Variants in CYTH3 observed in about 807,000 individuals in gnomAD.
CYTH3 encodes cytohesin-3.
Under a neutral mutation model 55.1 loss-of-function variants are expected in CYTH3, and 23 were observed. The ratio of observed to expected loss-of-function variants is 0.42; its 90% CI spans 0.30 to 0.59. The LOEUF (loss-of-function observed/expected upper bound fraction) is 0.59. Among genes scored for constraint, CYTH3 ranks in the 20% least tolerant of loss-of-function variants. The pLI, the probability that CYTH3 is intolerant of heterozygous loss-of-function variation, is 0.20. For synonymous variants in CYTH3, 249 were observed against 194.9 expected (o/e 1.28, Z -2.31); for missense variants, 413 against 524.8 (o/e 0.79, Z 2.08).
intron 1 of CYTH3, among the ~76,000 whole-genome samples, chr7:6,259,772 T>TATATATTA (rs1491219669): frequency 7.5e-4 from 23 of 30,494 alleles, no homozygotes; most frequent in African/African-American, 6.9e-3. Context: ...TATATATATA[T>TATATATTA]TATATATATA....
Position 6,170,653 on chromosome 7 carries a change from G to T in CYTH3, c.712-7C>A, listed in dbSNP as rs761626793. On this transcript the variant is annotated splice_polypyrimidine_tract_variant and splice_region_variant and intron_variant, in intron 8 of 12. Coordinates refer to ENST00000350796, the MANE Select transcript of CYTH3 (RefSeq NM_004227.4). This position sits in a 1 kb window ranked among gnomAD's most constrained non-coding sequence, Gnocchi z 7.8. Reference sequence around the variant, plus strand: ...TAATGCTCTCATACAAATTCTGCAAGGAGGGAAAACAGCAGCCAGTTCAGA... The same window carrying T: ...TAATGCTCTCATACAAATTCTGCAATGAGGGAAAACAGCAGCCAGTTCAGA... The T allele has an allele frequency of 6.2e-7, 1 of 1,612,692 alleles. No homozygotes were observed. Among genetic ancestry groups the T allele is most frequent in the Non-Finnish European group, 8.5e-7 (1 of 1,179,294 alleles).
intron 9 of CYTH3, 103 bp from the exon 10 acceptor site, chr7:6,165,913 G>C: frequency 1.8e-6 from 2 of 1,113,190 alleles, no homozygotes; most frequent in Admixed American, 2.1e-5. Flanking sequence ...TTTCAGAAAG[G>C]CCACCAGGCG....
rs1031752304 is a variant in CYTH3, at chr7:6,172,828, C to T, written c.449+825G>A. 23 of 1,283,094 alleles carry T rather than the reference C, an allele frequency of 1.8e-5. No homozygotes were observed. The African/African-American group carries it at 1.8e-4, about 10-fold the overall frequency. 79.5% of individuals were successfully genotyped at this position (1,283,094 alleles called of 1,614,324 possible). ...ATTCTTATATGTTGCGAACTCTCAG[C>T]GCACTGTTCAGCCCCAGGCTGCGCT... On this transcript the variant is annotated intron_variant, in intron 6 of 12. Transcript: ENST00000350796.
At chr7:6,266,146 C>T (rs1780485606) in intron 1 of CYTH3, among the ~76,000 whole-genome samples, 1 of 152,128 alleles carries the variant, frequency 6.6e-6, no homozygotes, top group Non-Finnish European at 1.5e-5. Context: ...TGCAACACCT[C>T]CCTTCTCCCA....
At chr7:6,211,213 T>C (rs530160754) in intron 1 of CYTH3, among the ~76,000 whole-genome samples, 1 of 152,284 alleles carries the variant, frequency 6.6e-6, no homozygotes, top group East Asian at 1.9e-4. Context: ...TCCAGCTCCC[T>C]TGCTCAAAGC....
chr7:6,204,877 A>C lies in CYTH3; in HGVS notation c.35-14346T>G, dbSNP rs1362589804. 2.6e-5 allele frequency among the ~76,000 whole-genome samples: 4 copies of C among 152,352 alleles called. No homozygotes were observed. The East Asian group carries it at 7.7e-4, about 29-fold the overall frequency. On this transcript the variant is annotated intron_variant, in intron 1 of 12. Transcript: ENST00000350796. Reference sequence around the variant, plus strand: ...GTTAAAAATCAATTGCAAAACAGTGACTAGAGGATGAGTGCGGTGGCTCAC... The same window carrying C: ...GTTAAAAATCAATTGCAAAACAGTGCCTAGAGGATGAGTGCGGTGGCTCAC...
chr7:6,208,041 T>C (rs1784236688), intron 1 of CYTH3, among the ~76,000 whole-genome samples: 1 of 152,178 alleles, frequency 6.6e-6, no homozygotes, highest in East Asian at 1.9e-4. Context: ...ACTGTTCTTA[T>C]TCTTCCAAGA....
chr7:6,164,885 G>T lies in CYTH3; in HGVS notation c.*59C>A. On this transcript the variant is annotated 3_prime_UTR_variant, in exon 13 of 13. Transcript: ENST00000350796. ...CTGCCACGCCTTCCGCGGAGGGGCC[G>T]CCCGCGGTGTCTTTCTGCTGGGGTT... is the stretch of plus-strand genomic sequence containing the variant. 1 of 1,590,876 alleles carries T rather than the reference G, an allele frequency of 6.3e-7. No homozygotes were observed. The highest frequency in any genetic ancestry group is 2.2e-5 in the East Asian group (1 of 44,770).
intron 1 of CYTH3, among the ~76,000 whole-genome samples, chr7:6,223,766 C>G (rs10245190): frequency 6.8e-6 from 1 of 146,712 alleles, no homozygotes; most frequent in Non-Finnish European, 1.5e-5. Flanking sequence ...CTGACCTTCT[C>G]TCCACTATTA....
chr7:6,204,793 G>A (rs1044178136), intron 1 of CYTH3, among the ~76,000 whole-genome samples: 2 of 152,012 alleles, frequency 1.3e-5, no homozygotes, highest in Non-Finnish European at 2.9e-5. Flanking sequence ...TTCCTGTATC[G>A]AACTATAACA....
At chr7:6,186,072 A>C (rs375497722) in intron 4 of CYTH3, among the ~76,000 whole-genome samples, 1 of 150,612 alleles carries the variant, frequency 6.6e-6, no homozygotes, top group African/African-American at 2.5e-5. Flanking sequence ...GTGAAACCCC[A>C]TCTCTACTAA....
intron 12 of CYTH3, 68 bp downstream of exon 12, chr7:6,165,205 A>G: frequency 6.4e-7 from 1 of 1,572,116 alleles, no homozygotes; most frequent in South Asian, 1.2e-5. Context: ...TCCATGTTCC[A>G]GACCATCCCC....
chr7:6,225,538 T>G (rs1230631805), intron 1 of CYTH3, among the ~76,000 whole-genome samples: 1 of 152,002 alleles, frequency 6.6e-6, no homozygotes, highest in Non-Finnish European at 1.5e-5. Flanking sequence ...TGTTTTTTAG[T>G]AGAGTCAGGG....
chr7:6,233,919 T>C (rs1390930446), intron 1 of CYTH3, among the ~76,000 whole-genome samples: 3 of 146,412 alleles, frequency 2.0e-5, no homozygotes, highest in African/African-American at 4.9e-5. Context: ...ACAGCTGCCT[T>C]TTCTCTGTGT....
At chr7:6,223,419 G>A (rs1044841767) in intron 1 of CYTH3, among the ~76,000 whole-genome samples, 3 of 152,226 alleles carry the variant, frequency 2.0e-5, no homozygotes, top group African/African-American at 7.2e-5. Context: ...AAAAGAAAGA[G>A]AGATCAGATT....
At chr7:6,202,908 T>C (rs1280811126) in intron 1 of CYTH3, among the ~76,000 whole-genome samples, 4 of 152,212 alleles carry the variant, frequency 2.6e-5, no homozygotes, top group African/African-American at 9.7e-5. Context: ...TCCCACTAAA[T>C]GCTCTTTAAA....
chr7:6,268,229 C>T lies in CYTH3; in HGVS notation c.34+4245G>A, dbSNP rs370336849. On this transcript the variant is annotated intron_variant, in intron 1 of 12. Transcript: ENST00000350796. The stretch of plus-strand genomic sequence containing the variant: ...TGTTGCCCAGACTGGAATGCAGTGG[C>T]GCAATCTCACTCACCGCAACCTGCA... Among the ~76,000 whole-genome samples, 8 of 152,230 alleles carry T rather than the reference C, an allele frequency of 5.3e-5. No individual in the cohort carries two copies. The East Asian group carries it at 1.4e-3, about 26-fold the overall frequency.
intron 1 of CYTH3, among the ~76,000 whole-genome samples, chr7:6,234,115 T>C (rs1186701951): frequency 2.0e-5 from 3 of 152,184 alleles, no homozygotes; most frequent in Non-Finnish European, 1.5e-5. Flanking sequence ...CATTACAACA[T>C]CATATCATTA....
chr7:6,203,057 GC>G (rs1784095735), intron 1 of CYTH3, among the ~76,000 whole-genome samples: 1 of 152,032 alleles, frequency 6.6e-6, no homozygotes, highest in African/African-American at 2.4e-5. Flanking sequence ...ATAGACTAAA[GC>G]TATGAGTCAC....
Sources: gnomAD v4.1 joint callset for allele counts (sites outside exome capture counted in the v4.1 genomes callset) on GRCh38, gnomAD v4.1.1 for gene constraint, Gnocchi (gnomAD v3.1) non-coding constraint, MANE v1.5 for transcripts, NCBI Gene and HGNC (gene_info 2026-07-23, HGNC 2026-07-21) for gene names.